LRRC38: variants seen among roughly 807,000 people sequenced by gnomAD.
LRRC38 encodes the protein leucine-rich repeat-containing protein 38.
In LRRC38, 5 loss-of-function variants were observed where a neutral mutation model predicts 16.4. The observed-to-expected ratio is 0.31, with a 90% CI of 0.16 to 0.64. The LOEUF is 0.64. Ranked by LOEUF, LRRC38 falls within the 30% of genes least tolerant of loss-of-function variation. The pLI, the probability that LRRC38 is intolerant of heterozygous loss-of-function variation, is 0.80. For synonymous variants in LRRC38, 191 were observed against 190.2 expected, an observed-to-expected ratio of 1.00 and a Z score of -0.04; for missense variants, 341 against 401.8, an observed-to-expected ratio of 0.85 and a Z score of 1.29.
intron 1 of LRRC38, among the ~76,000 whole-genome samples, chr1:13,493,931 C>T (rs576124780): frequency 1.3e-3 from 196 of 152,186 alleles, no homozygotes; most frequent in Non-Finnish European, 2.5e-3. Flanking sequence ...GGTGTGCTGG[C>T]GTGCACCTGT....
At chr1:13,505,436 G>C (rs1387594931) in intron 1 of LRRC38, among the ~76,000 whole-genome samples, 1 of 152,154 alleles carries the variant, frequency 6.6e-6, no homozygotes, top group East Asian at 1.9e-4. Context: ...CAAAGCCACC[G>C]AGGGGTATTT....
chr1:13,494,802 G>A (rs1323486387), intron 1 of LRRC38, among the ~76,000 whole-genome samples: 2 of 152,194 alleles, frequency 1.3e-5, no homozygotes, highest in African/African-American at 4.8e-5. Context: ...ACCTGAAAAT[G>A]AAGAAAGGCA....
chr1:13,496,835 G>A (rs1397505887), intron 1 of LRRC38, among the ~76,000 whole-genome samples: 1 of 152,136 alleles, frequency 6.6e-6, no homozygotes, highest in Non-Finnish European at 1.5e-5. Context: ...AGGAGCAGGG[G>A]GACAGGGAAG....
chr1:13,482,317 C>T (rs1638879442), intron 1 of LRRC38, among the ~76,000 whole-genome samples: 1 of 152,066 alleles, frequency 6.6e-6, no homozygotes, highest in African/African-American at 2.4e-5. Flanking sequence ...TGGCTCACAC[C>T]TGTAACCCCA....
At chr1:13,495,640 G>A (rs949669524) in intron 1 of LRRC38, among the ~76,000 whole-genome samples, 1 of 152,026 alleles carries the variant, frequency 6.6e-6, no homozygotes, top group Non-Finnish European at 1.5e-5. Flanking sequence ...AGCACCCTGG[G>A]CAGAAATCCC....
intron 1 of LRRC38, among the ~76,000 whole-genome samples, chr1:13,499,306 C>A (rs1639119818): frequency 1.3e-5 from 2 of 152,284 alleles, no homozygotes; most frequent in South Asian, 4.2e-4. Context: ...ACCATGTTGG[C>A]CAGGCTGGAC....
chr1:13,482,404 C>T (rs1452708658), intron 1 of LRRC38, among the ~76,000 whole-genome samples: 2 of 151,964 alleles, frequency 1.3e-5, no homozygotes, highest in South Asian at 2.1e-4. Flanking sequence ...TGGTGAAACC[C>T]TGTCTCTACT....
chr1:13,497,628 C>CA (rs35035006), intron 1 of LRRC38, among the ~76,000 whole-genome samples: 2,153 of 150,520 alleles, frequency 0.014, 42 homozygotes, highest in African/African-American at 0.049. Context: ...ACTTCATATG[C>CA]AAAAAAAAAG....
chr1:13,497,665 C>T (rs925605382), intron 1 of LRRC38, among the ~76,000 whole-genome samples: 7 of 151,742 alleles, frequency 4.6e-5, no homozygotes, highest in Admixed American at 3.3e-4. Context: ...TTAATTTTTC[C>T]GTTGATTACA....
At chr1:13,491,274 G>C (rs551160616) in intron 1 of LRRC38, among the ~76,000 whole-genome samples, 1 of 152,180 alleles carries the variant, frequency 6.6e-6, no homozygotes, top group African/African-American at 2.4e-5. Context: ...CGCAGCAGCC[G>C]TGCTGAGCAT....
At chr1:13,476,171 G>T in intron 1 of LRRC38, 72 bp from the exon 2 acceptor site, 1 of 1,467,002 alleles carries the variant, frequency 6.8e-7, no homozygotes, top group South Asian at 1.3e-5. Context: ...TGACAAGGCA[G>T]GTGCTTACAA....
intron 1 of LRRC38, among the ~76,000 whole-genome samples, chr1:13,500,593 C>A (rs1639136496): frequency 6.6e-6 from 1 of 152,222 alleles, no homozygotes. Flanking sequence ...AACCAAGGTA[C>A]ATCTAACATA....
At chr1:13,495,269 T>C (rs555500790) in intron 1 of LRRC38, among the ~76,000 whole-genome samples, 99 of 152,346 alleles carry the variant, frequency 6.5e-4, no homozygotes, top group Non-Finnish European at 9.7e-4. Context: ...AGAAGGTCAG[T>C]GTTCTGGCTC....
Position 13,513,100 on chromosome 1 carries a change from C to A in LRRC38, c.494G>T (p.Arg165Leu). Residue 165 changes from arginine to leucine, a missense_variant, in exon 1 of 2, where the codon CGC becomes CTC. Physicochemically the swap from Arg to Leu is moderately radical, Grantham distance 102 (BLOSUM62 -2). Transcript: ENST00000376085. ...GGCCAGGGCGGCCACGCTGAGGCTG[C>A]GCAGGTTGTTGTCGTTGAGCTCCAG... ...QVLELNDNNL[R>L]SLSVAALAAL... The A allele has an allele frequency of 6.5e-7, 1 of 1,550,336 alleles. No individual in the cohort carries two copies. The highest frequency in any genetic ancestry group is 8.7e-7 in the Non-Finnish European group (1 of 1,146,862).
rs1175096870 is a variant in LRRC38 at position 13,513,507 on chromosome 1, G to C, written c.87C>G (p.Pro29=). Reference sequence around the variant, plus strand: ...GCGGGTCGGTGCAGGCGCAGCCCGCGGGGCACGCGTGCCCGGGCGCGAGCA... The same window carrying C: ...GCGGGTCGGTGCAGGCGCAGCCCGCCGGGCACGCGTGCCCGGGCGCGAGCA... The part of the protein sequence containing the change: ...LLLLAPGHAC[P]AGCACTDPHT... The change falls in exon 1 of 2, where the codon CCC becomes CCG. Residue 29 remains proline (P), a synonymous_variant. Transcript: ENST00000376085. The C allele has an allele frequency of 3.4e-6, 5 of 1,461,884 alleles. No individual in the cohort carries two copies. Among genetic ancestry groups the C allele is most frequent in the Non-Finnish European group, 4.5e-6 (5 of 1,107,508 alleles). The allele number at this position is 1,461,884 out of a possible 1,614,324, so 90.6% of individuals were successfully genotyped here.
chr1:13,494,219 G>C (rs1212921297), intron 1 of LRRC38, among the ~76,000 whole-genome samples: 2 of 152,148 alleles, frequency 1.3e-5, no homozygotes, highest in East Asian at 3.9e-4. Context: ...ACAGAGCCGA[G>C]CCCGGGAGCC....
Position 13,513,584 on chromosome 1 carries a change from G to T in LRRC38, c.10C>A (p.Arg4=). Residue 4 remains arginine, a synonymous_variant, in exon 1 of 2, where the codon CGA becomes AGA. Coordinates refer to ENST00000376085, the MANE Select transcript of LRRC38 (RefSeq NM_001010847.2). ...GCCGCGGCGGCGCAGGCTGGGGCTCGGGGGCGCATGGCCGGGGGGCCCGCG... is the reference window on the plus strand; with the variant it reads ...GCCGCGGCGGCGCAGGCTGGGGCTCTGGGGCGCATGGCCGGGGGGCCCGCG... MRP[R]APACAAAALG... is the part of the protein sequence containing the mutation. The T allele has an allele frequency of 8.6e-7, 1 of 1,168,724 alleles. No homozygotes were observed. The highest frequency in any genetic ancestry group is 4.2e-5 in the South Asian group (1 of 23,770). 72.4% of individuals were successfully genotyped at this position (1,168,724 alleles called of 1,614,324 possible). A position where few individuals can be genotyped will look rare whatever the true frequency, so the allele number is the denominator to read the frequency against.
chr1:13,476,172 G>C, intron 1 of LRRC38, 73 bp from the exon 2 acceptor site: 2 of 1,461,620 alleles, frequency 1.4e-6, no homozygotes, highest in Non-Finnish European at 1.9e-6. Flanking sequence ...GACAAGGCAG[G>C]TGCTTACAAA....
Position 13,487,721 on chromosome 1 carries a change from C to G in LRRC38, c.632-11622G>C, listed in dbSNP as rs1456264666. 6.6e-6 allele frequency among the ~76,000 whole-genome samples: 1 copy of G among 152,164 alleles called. No homozygotes were observed. Among genetic ancestry groups the G allele is most frequent in the Non-Finnish European group, 1.5e-5 (1 of 68,038 alleles). ...AGAGCTGCCATTCTCCAGAAATAGA[C>G]AGTGACACAGCGGATGTTAGATTGA... On this transcript the variant is annotated intron_variant, in intron 1 of 1. Coordinates refer to ENST00000376085, the MANE Select transcript of LRRC38 (RefSeq NM_001010847.2). The surrounding 1 kb of genome is among the most constrained non-coding windows in gnomAD (Gnocchi z 4.4).
Sources: gnomAD v4.1 joint callset for allele counts (sites outside exome capture counted in the v4.1 genomes callset) on GRCh38, gnomAD v4.1.1 for gene constraint, Gnocchi (gnomAD v3.1) non-coding constraint, MANE v1.5 for transcripts, NCBI Gene and HGNC (gene_info 2026-07-23, HGNC 2026-07-21) for gene names.